Variants in KPNA6 observed in about 807,000 individuals in gnomAD.
KPNA6 encodes karyopherin subunit alpha 6, also known as importin subunit alpha-7.
Under a neutral mutation model 72.0 loss-of-function variants are expected in KPNA6, and 9 were observed. The ratio of observed to expected loss-of-function variants is 0.13; its 90% CI spans 0.08 to 0.22. The LOEUF (loss-of-function observed/expected upper bound fraction) is 0.22. KPNA6 is among the 10% of genes least tolerant of loss of function. The pLI is 1.00. For synonymous variants in KPNA6, 219 were observed against 242.1 expected (o/e 0.90, Z 0.89); for missense variants, 374 against 655.7 (o/e 0.57, Z 4.69).
intron 1 of KPNA6, among the ~76,000 whole-genome samples, chr1:32,111,414 G>C (rs1387915316): frequency 6.6e-6 from 1 of 152,170 alleles, no homozygotes; most frequent in African/African-American, 2.4e-5. Context: ...GGTCTTGAAG[G>C]GGGTTTTTAG....
At chr1:32,128,144 G>A (rs1013227301) in intron 1 of KPNA6, among the ~76,000 whole-genome samples, 2 of 151,798 alleles carry the variant, frequency 1.3e-5, no homozygotes, top group African/African-American at 4.8e-5. Context: ...AGAGCCACCT[G>A]ATTCTATTTC....
In KPNA6 at chr1:32,145,733, C is replaced by T. The variant is rs151238793; in HGVS notation, c.5-8855C>T. Among the ~76,000 whole-genome samples the T allele has an allele frequency of 2.2e-3, 335 of 151,196 alleles. 1 individual carries two copies. The highest frequency in any genetic ancestry group is 7.5e-3 in the African/African-American group (306 of 40,582). ...CCTTCTTCAAAATCAGTTGGCTGGC[C>T]GTAGATGTAAGGGTTTATTTCTGGA... On this transcript the variant is annotated intron_variant, in intron 1 of 13. Coordinates refer to ENST00000373625, the MANE Select transcript of KPNA6 (RefSeq NM_012316.5).
At chr1:32,159,082 T>C (rs1207394942) in intron 5 of KPNA6, among the ~76,000 whole-genome samples, 3 of 152,100 alleles carry the variant, frequency 2.0e-5, no homozygotes, top group Non-Finnish European at 4.4e-5. Context: ...GCTCAGGAAA[T>C]AAAAGAGTGA....
In KPNA6 at chr1:32,175,538, AC is replaced by A. The variant is rs1642511334; in HGVS notation, c.*4645del. 1 of 152,222 alleles carries A rather than the reference AC, an allele frequency of 6.6e-6. No individual in the cohort carries two copies. Among genetic ancestry groups the A allele is most frequent in the African/African-American group, 2.4e-5 (1 of 41,404 alleles). 9.4% of individuals were successfully genotyped at this position (152,222 alleles called of 1,614,324 possible). A position where few individuals can be genotyped will look rare whatever the true frequency, so the allele number is the denominator to read the frequency against. On this transcript the variant is annotated 3_prime_UTR_variant, in exon 14 of 14. Transcript: ENST00000373625. ...GGTGGCACATGCCTGTAATCCCAGC[AC>A]TTTGGGAGGCCGAGGCGGGTGGATC...
At chr1:32,112,737 T>G (rs1379370354) in intron 1 of KPNA6, among the ~76,000 whole-genome samples, 2 of 152,106 alleles carry the variant, frequency 1.3e-5, no homozygotes, top group African/African-American at 4.8e-5. Context: ...ATGATCTGCC[T>G]GCCTCAGCCT....
At chr1:32,166,958 T>A (rs1642351029) in intron 11 of KPNA6, among the ~76,000 whole-genome samples, 1 of 151,894 alleles carries the variant, frequency 6.6e-6, no homozygotes, top group Non-Finnish European at 1.5e-5. Flanking sequence ...AATAAATAAA[T>A]AAATTGGAGT....
At chr1:32,156,108 CTTTT>C (rs879649294) in intron 2 of KPNA6, among the ~76,000 whole-genome samples, 1 of 142,728 alleles carries the variant, frequency 7.0e-6, no homozygotes, top group South Asian at 2.2e-4. Flanking sequence ...TCCTTTTTTT[CTTTT>C]TTTTTTTTAA....
intron 1 of KPNA6, among the ~76,000 whole-genome samples, chr1:32,128,388 TA>T (rs1557462521): frequency 0.21 from 1,567 of 7,596 alleles, 42 homozygotes; most frequent in African/African-American, 0.28. Flanking sequence ...TATATGTATT[TA>T]TATATATATA....
At chr1:32,121,519 A>G (rs1433180210) in intron 1 of KPNA6, among the ~76,000 whole-genome samples, 2 of 152,202 alleles carry the variant, frequency 1.3e-5, no homozygotes, top group Admixed American at 1.3e-4. Context: ...ATCTCTATAC[A>G]TGGCAACTAA....
At chr1:32,133,257 T>C (rs1641672961) in intron 1 of KPNA6, among the ~76,000 whole-genome samples, 1 of 151,764 alleles carries the variant, frequency 6.6e-6, no homozygotes, top group Non-Finnish European at 1.5e-5. Flanking sequence ...GGTAAGAGGA[T>C]TGCTTGAGTC....
chr1:32,169,099 G>A (rs1163361261), intron 12 of KPNA6, among the ~76,000 whole-genome samples: 1 of 151,008 alleles, frequency 6.6e-6, no homozygotes, highest in South Asian at 2.1e-4. Flanking sequence ...AAGAGCAGTG[G>A]CTCACACCTG....
chr1:32,141,375 CTTTTTTTTTT>C (rs71006334), intron 1 of KPNA6, among the ~76,000 whole-genome samples: 20 of 54,456 alleles, frequency 3.7e-4, no homozygotes, highest in Middle Eastern at 0.018. Context: ...TAAGTTAATC[CTTTTTTTTTT>C]TTTTTTTTTT....
rs1642478985 is a variant in KPNA6, at chr1:32,173,750, G to GC, written c.*2857dup. The GC allele has an allele frequency of 6.6e-6, 1 of 152,210 alleles. No homozygotes were observed. The highest frequency in any genetic ancestry group is 1.5e-5 in the Non-Finnish European group (1 of 68,056). 9.4% of individuals were successfully genotyped at this position (152,210 alleles called of 1,614,324 possible). ...CATACCCTGGCCTAGGCGAGGTAAG[G>GC]CTCTCTGGTTATTGCCAGGATGGAG... is the stretch of plus-strand genomic sequence containing the variant. On this transcript the variant is annotated 3_prime_UTR_variant, in exon 14 of 14. Coordinates refer to ENST00000373625, the MANE Select transcript of KPNA6 (RefSeq NM_012316.5).
chr1:32,166,711 C>G (rs1213142517), intron 11 of KPNA6, among the ~76,000 whole-genome samples: 1 of 148,138 alleles, frequency 6.8e-6, no homozygotes, highest in Admixed American at 6.8e-5. Context: ...GGGCGGATCA[C>G]AAGGTCAGGA....
At chr1:32,127,826 C>T (rs114002601) in intron 1 of KPNA6, among the ~76,000 whole-genome samples, 2 of 152,236 alleles carry the variant, frequency 1.3e-5, no homozygotes, top group Non-Finnish European at 2.9e-5. Flanking sequence ...CACTCTCACT[C>T]TCTGAACTCA....
chr1:32,118,474 T>G (rs1446811473), intron 1 of KPNA6, among the ~76,000 whole-genome samples: 1 of 152,044 alleles, frequency 6.6e-6, no homozygotes, highest in East Asian at 1.9e-4. Flanking sequence ...AGTTACTTAC[T>G]CTACATAGCC....
chr1:32,108,175 G>A (rs780500632), intron 1 of KPNA6, 41 bp downstream of exon 1: 4 of 1,613,596 alleles, frequency 2.5e-6, no homozygotes, highest in Non-Finnish European at 2.5e-6. Context: ...TGGGCTCAGG[G>A]AGTGTCGGGG....
In KPNA6 at chr1:32,108,122, G is replaced by A. The variant is rs1569974830; in HGVS notation, c.-9G>A. The A allele has an allele frequency of 1.9e-6, 3 of 1,614,012 alleles. No individual in the cohort carries two copies. The East Asian group carries it at 6.7e-5, about 36-fold the overall frequency. On this transcript the variant is annotated 5_prime_UTR_variant, in exon 1 of 14. Transcript: ENST00000373625. ...CCTCCGCCGCCAAGAGTGAGCGAGC[G>A]GACCCGCGATGGGTGAGTGAGGAAA...
Position 32,174,241 on chromosome 1 carries a change from A to G in KPNA6, c.*3347A>G, listed in dbSNP as rs187335788. 8.5e-5 allele frequency: 13 copies of G among 152,178 alleles called. No individual in the cohort carries two copies. The highest frequency in any genetic ancestry group is 2.9e-5 in the Non-Finnish European group (2 of 68,128). The allele number at this position is 152,178 out of a possible 1,614,324, so 9.4% of individuals were successfully genotyped here. Reference sequence around the variant, plus strand: ...CTCCTTACCTAGAGCCCATTAATCTACCCCATCAACTCTCTGCCATGAAAG... The same window carrying G: ...CTCCTTACCTAGAGCCCATTAATCTGCCCCATCAACTCTCTGCCATGAAAG... On this transcript the variant is annotated 3_prime_UTR_variant, in exon 14 of 14. Transcript: ENST00000373625.
Sources: allele counts gnomAD v4.1 joint callset (sites outside exome capture counted in the v4.1 genomes callset), GRCh38; gene constraint gnomAD v4.1.1; transcripts MANE v1.5; gene names NCBI Gene and HGNC (gene_info 2026-07-23, HGNC 2026-07-21).